The following TNS1 variants were observed in gnomAD, a reference collection of about 807,000 sequenced individuals.
TNS1 encodes tensin 1, also known as tensin-1.
In TNS1, 62 loss-of-function variants were observed where a neutral mutation model predicts 168.6. The ratio of observed to expected loss-of-function variants is 0.37; its 90% CI spans 0.30 to 0.45. The LOEUF (loss-of-function observed/expected upper bound fraction) is 0.45, where lower values mean the gene tolerates loss of function less well. Ranked by LOEUF, TNS1 falls within the 20% of genes least tolerant of loss-of-function variation. TNS1 has a pLI of 1.00. For synonymous variants in TNS1, 934 were observed against 933.2 expected (o/e 1.00, Z -0.02); for missense variants, 2,240 against 2,339.4 (o/e 0.96, Z 0.88).
At chr2:217,895,173 T>A in intron 8 of TNS1, 117 bp from the exon 9 acceptor site, 1 of 1,023,094 alleles carries the variant, frequency 9.8e-7, no homozygotes, top group Non-Finnish European at 1.5e-6. Flanking sequence ...GCCAACTTCC[T>A]CTGAAGAGCC....
rs570338070 is a variant in TNS1 at position 217,948,818 on chromosome 2, TG to T, written c.187-28583del. On this transcript the variant is annotated intron_variant, in intron 3 of 32. Transcript: ENST00000682258. The surrounding 1 kb of genome is among the most constrained non-coding windows in gnomAD (Gnocchi z 4.1). ...TGTCCTCTATGACATCTCATTGGCA[TG>T]CATCTGCATTTGCATCCTCTCTCAA... 6.6e-5 allele frequency among the ~76,000 whole-genome samples: 10 copies of T among 152,348 alleles called. No homozygotes were observed. In the South Asian group the frequency reaches 2.1e-3, roughly 32 times the overall value.
chr2:217,890,167 T>C (rs1407523111), intron 12 of TNS1, among the ~76,000 whole-genome samples: 1 of 152,198 alleles, frequency 6.6e-6, no homozygotes, highest in Non-Finnish European at 1.5e-5. Flanking sequence ...CTCACCGTGA[T>C]TCCAGTTTAG....
At position 217,959,913 on chromosome 2, in the gene TNS1, G is replaced by A. The variant is rs115044291; in HGVS notation, c.186+18852C>T. 9.6e-3 allele frequency among the ~76,000 whole-genome samples: 1,459 copies of A among 152,190 alleles called. 14 individuals carry two copies. Among genetic ancestry groups the A allele is most frequent in the Non-Finnish European group, 9.4e-3 (638 of 68,008 alleles). ...TGGGAGTGAGGGGAGATGCCTCGCC[G>A]CTGAGGTCAGGCCCTATTCAGAGCT... On this transcript the variant is annotated intron_variant, in intron 3 of 32. Transcript: ENST00000682258.
intron 3 of TNS1, among the ~76,000 whole-genome samples, chr2:217,938,672 C>G (rs1313071904): frequency 6.6e-6 from 1 of 152,222 alleles, no homozygotes; most frequent in Non-Finnish European, 1.5e-5. Flanking sequence ...CTTGCTCAGC[C>G]TGGGAGTCTC....
At chr2:217,945,043 C>A (rs1957068223) in intron 3 of TNS1, among the ~76,000 whole-genome samples, 1 of 152,188 alleles carries the variant, frequency 6.6e-6, no homozygotes, top group Non-Finnish European at 1.5e-5. Flanking sequence ...ATCGTGACCT[C>A]GGAGCACAGA....
At chr2:218,002,769 G>C (rs1958589759) in intron 1 of TNS1, 71 bp downstream of exon 1, 5 of 456,234 alleles carry the variant, frequency 1.1e-5, no homozygotes, top group South Asian at 6.2e-5. Context: ...AAAAGGATAA[G>C]GTGGCAGGGG....
chr2:218,026,824 C>T (rs1382169331), intron 1 of TNS1, among the ~76,000 whole-genome samples: 3 of 152,256 alleles, frequency 2.0e-5, no homozygotes, highest in Non-Finnish European at 4.4e-5. Flanking sequence ...TCTAAGGTCC[C>T]AAGAAAGCCA....
At chr2:217,875,917 G>A (rs146303651) in intron 18 of TNS1, among the ~76,000 whole-genome samples, 2 of 152,256 alleles carry the variant, frequency 1.3e-5, no homozygotes, top group South Asian at 2.1e-4. Flanking sequence ...ACTGATGGGC[G>A]CCAACCAGGA....
rs182388340 is a variant in TNS1 at position 217,976,459 on chromosome 2, G to A, written c.186+2306C>T. Among the ~76,000 whole-genome samples the A allele has an allele frequency of 4.2e-4, 64 of 152,280 alleles. No individual in the cohort carries two copies. The East Asian group carries it at 9.5e-3, about 22-fold the overall frequency. On this transcript the variant is annotated intron_variant, in intron 3 of 32. Coordinates refer to ENST00000682258, the MANE Select transcript of TNS1 (RefSeq NM_001387777.1). The stretch of plus-strand genomic sequence containing the variant: ...GAAAGACCCACCAGCTGGGTGGAGC[G>A]CTCACCACCAGTGGGTCCCATTCCC...
chr2:217,956,791 G>T (rs574611345), intron 3 of TNS1, among the ~76,000 whole-genome samples: 8 of 152,298 alleles, frequency 5.3e-5, no homozygotes, highest in African/African-American at 1.9e-4. Flanking sequence ...TTTCCCAGAG[G>T]TGCCTTGGAT....
At chr2:217,841,972 A>C in intron 19 of TNS1, 1 of 667,782 alleles carries the variant, frequency 1.5e-6, no homozygotes, top group South Asian at 1.7e-5. Context: ...GTTGACTTCT[A>C]ACCCACCTTC....
intron 19 of TNS1, among the ~76,000 whole-genome samples, chr2:217,838,605 C>T (rs1157472011): frequency 6.6e-6 from 1 of 152,254 alleles, no homozygotes; most frequent in Non-Finnish European, 1.5e-5. Flanking sequence ...CCAGCCCCTC[C>T]CCTGCAGAGC....
chr2:217,806,143 C>T (rs1306272191), intron 32 of TNS1, among the ~76,000 whole-genome samples: 1 of 152,160 alleles, frequency 6.6e-6, no homozygotes, highest in Non-Finnish European at 1.5e-5. Flanking sequence ...GATGGAGACC[C>T]GGCAACTGCA....
chr2:217,846,511 C>A (rs1212314327), intron 19 of TNS1, among the ~76,000 whole-genome samples: 1 of 152,208 alleles, frequency 6.6e-6, no homozygotes, highest in Non-Finnish European at 1.5e-5. Context: ...CTCCTCCTCG[C>A]TGAGCTCCCA....
intron 1 of TNS1, chr2:218,010,037 G>A (rs1958691601): frequency 2.6e-5 from 10 of 391,730 alleles, no homozygotes; most frequent in Non-Finnish European, 2.2e-5. Flanking sequence ...CGGGAGGGAA[G>A]CGTCTGGGAG....
At chr2:217,967,875 C>T (rs1957686606) in intron 3 of TNS1, among the ~76,000 whole-genome samples, 1 of 152,096 alleles carries the variant, frequency 6.6e-6, no homozygotes, top group African/African-American at 2.4e-5. Context: ...ATATCTCTTT[C>T]GAATATAGAT....
At chr2:217,824,654 C>A (rs1195472720) in intron 22 of TNS1, among the ~76,000 whole-genome samples, 1 of 152,088 alleles carries the variant, frequency 6.6e-6, no homozygotes, top group Non-Finnish European at 1.5e-5. Flanking sequence ...AACTGGTAAC[C>A]CAACTTGGGA....
chr2:217,926,401 G>A (rs780726624), intron 3 of TNS1, among the ~76,000 whole-genome samples: 11 of 152,096 alleles, frequency 7.2e-5, no homozygotes, highest in Non-Finnish European at 1.0e-4. Flanking sequence ...ACACCACTTC[G>A]TGTTTTTCTA....
intron 29 of TNS1, 38 bp from the exon 30 acceptor site, chr2:217,810,029 G>T: frequency 6.2e-7 from 1 of 1,602,970 alleles, no homozygotes. Context: ...CATGGGAGCT[G>T]GCGTGGGTGA....
Sources: allele counts gnomAD v4.1 joint callset (sites outside exome capture counted in the v4.1 genomes callset), GRCh38; gene constraint gnomAD v4.1.1; non-coding constraint Gnocchi (gnomAD v3.1); transcripts MANE v1.5; gene names NCBI Gene and HGNC (gene_info 2026-07-23, HGNC 2026-07-21).